Variants in LONRF2 observed in about 807,000 individuals in gnomAD.
The protein encoded by LONRF2 is LON peptidase N-terminal domain and RING finger protein 2.
A neutral mutation model predicts 66.6 loss-of-function variants in LONRF2; 35 were observed. That is an observed-to-expected ratio of 0.53 (90% CI 0.40 to 0.70). The LOEUF is 0.70. Among genes scored for constraint, LONRF2 ranks in the 30% least tolerant of loss-of-function variants. The pLI, the probability that LONRF2 is intolerant of heterozygous loss-of-function variation, is 0.00. For missense variants in LONRF2, 902 were observed against 1,002.1 expected (o/e 0.90, Z 1.35); for synonymous variants, 417 against 418.1 (o/e 1.00, Z 0.03).
At position 100,276,608 on chromosome 2, in the gene LONRF2, A is replaced by G. The variant is rs1356801233; in HGVS notation, c.*7690T>C. Reference sequence around the variant, plus strand: ...GGGGTGATTATACCCTTGTTTCTCCATTGAACAGCCCAATCTTTCCTATCC... The same window carrying G: ...GGGGTGATTATACCCTTGTTTCTCCGTTGAACAGCCCAATCTTTCCTATCC... On this transcript the variant is annotated 3_prime_UTR_variant, in exon 12 of 12. Coordinates refer to ENST00000393437, the MANE Select transcript of LONRF2 (RefSeq NM_198461.4). The G allele has an allele frequency of 6.6e-6, 1 of 152,180 alleles. No homozygotes were observed. The highest frequency in any genetic ancestry group is 1.9e-4 in the East Asian group (1 of 5,202). 9.4% of individuals were successfully genotyped at this position (152,180 alleles called of 1,614,324 possible).
Position 100,321,839 on chromosome 2 carries a change from C to T in LONRF2, c.255G>A (p.Ala85=). Residue 85 remains alanine (A), a synonymous_variant, in exon 1 of 12, where the codon GCG becomes GCA. Coordinates refer to ENST00000393437, the MANE Select transcript of LONRF2 (RefSeq NM_198461.4). ...PEALGAFRGA[A]RLGALRPEEL... ...CCTCCGGCCGCAGCGCCCCGAGCCG[C>T]GCGGCGCCGCGGAACGCGCCCAGGG... The T allele has an allele frequency of 2.6e-6, 3 of 1,139,232 alleles. No individual in the cohort carries two copies. The highest frequency in any genetic ancestry group is 3.2e-6 in the Non-Finnish European group (3 of 931,878). 70.6% of individuals were successfully genotyped at this position (1,139,232 alleles called of 1,614,324 possible).
Position 100,282,653 on chromosome 2 carries a change from C to T in LONRF2, c.*1645G>A, listed in dbSNP as rs1674762698. On this transcript the variant is annotated 3_prime_UTR_variant, in exon 12 of 12. Transcript: ENST00000393437. ...ATAAAATCTCTTAGAAATCACTTGG[C>T]CAAACTGCCATTAAACCATCTCAAG... 1 of 152,140 alleles carries T rather than the reference C, an allele frequency of 6.6e-6. No homozygotes were observed. The highest frequency in any genetic ancestry group is 1.5e-5 in the Non-Finnish European group (1 of 68,014). 9.4% of individuals were successfully genotyped at this position (152,140 alleles called of 1,614,324 possible).
In LONRF2 at chr2:100,321,763, G is replaced by A. The variant is rs1211986653; in HGVS notation, c.331C>T (p.Arg111Trp). ...GLVRAVGLRD[R>W]PLSAENPGGE... is the part of the protein sequence containing the mutation. ...CCCGGGTTCTCCGCGGACAGCGGCC[G>A]GTCGCGCAGGCCCACGGCGCGCACC... is the stretch of plus-strand genomic sequence containing the variant. Residue 111 changes from arginine to tryptophan, a missense_variant, in exon 1 of 12, where the codon CGG becomes TGG. Physicochemically the swap from Arg to Trp is moderately radical, Grantham distance 101. Coordinates refer to ENST00000393437, the MANE Select transcript of LONRF2 (RefSeq NM_198461.4). 3.8e-6 allele frequency: 4 copies of A among 1,040,884 alleles called. No individual in the cohort carries two copies. The highest frequency in any genetic ancestry group is 4.4e-5 in the South Asian group (1 of 22,662). 64.5% of individuals were successfully genotyped at this position (1,040,884 alleles called of 1,614,324 possible).
At position 100,284,232 on chromosome 2, in the gene LONRF2, C is replaced by T; in HGVS notation, c.*66G>A. 7.3e-6 allele frequency: 10 copies of T among 1,361,186 alleles called. No individual in the cohort carries two copies. Among genetic ancestry groups the T allele is most frequent in the Non-Finnish European group, 8.8e-6 (9 of 1,022,698 alleles). The allele number at this position is 1,361,186 out of a possible 1,614,324, so 84.3% of individuals were successfully genotyped here. On this transcript the variant is annotated 3_prime_UTR_variant, in exon 12 of 12. Coordinates refer to ENST00000393437, the MANE Select transcript of LONRF2 (RefSeq NM_198461.4). Reference sequence around the variant, plus strand: ...TTGATGAAGCACAATGAATGGACGGCTATTCGTCCATGCCTGACATTTATA... The same window carrying T: ...TTGATGAAGCACAATGAATGGACGGTTATTCGTCCATGCCTGACATTTATA...
chr2:100,309,874 T>C (rs533016649), intron 1 of LONRF2, among the ~76,000 whole-genome samples: 6 of 152,118 alleles, frequency 3.9e-5, no homozygotes, highest in African/African-American at 1.4e-4. Flanking sequence ...GGTTTCACCA[T>C]GTTGGCCAGG....
At chr2:100,286,116 G>A (rs1198678350) in intron 11 of LONRF2, among the ~76,000 whole-genome samples, 1 of 151,466 alleles carries the variant, frequency 6.6e-6, no homozygotes, top group African/African-American at 2.4e-5. Flanking sequence ...TTCTGTGTTT[G>A]GAAAAAAAAA....
At chr2:100,300,908 T>A (rs1675173527) in intron 3 of LONRF2, 121 bp from the exon 4 acceptor site, 1 of 735,932 alleles carries the variant, frequency 1.4e-6, no homozygotes, top group Non-Finnish European at 2.0e-6. Context: ...TTGAAAAGAA[T>A]AATTTTAACT....
chr2:100,310,214 T>C (rs1675382632), intron 1 of LONRF2, among the ~76,000 whole-genome samples: 2 of 152,296 alleles, frequency 1.3e-5, no homozygotes, highest in South Asian at 4.1e-4. Context: ...CAGGGTCCCA[T>C]GGAAAAGGCT....
At position 100,321,540 on chromosome 2, in the gene LONRF2, C is replaced by T. The variant is rs1675626451; in HGVS notation, c.554G>A (p.Gly185Asp). Reference sequence around the variant, plus strand: ...GGCCGGGAAGCACTTCTCCAGCAGGCCGCTCAGCACCACGTTCACGCGCCG... The same window carrying T: ...GGCCGGGAAGCACTTCTCCAGCAGGTCGCTCAGCACCACGTTCACGCGCCG... The part of the protein sequence containing the change: ...QVRRVNVVLS[G>D]LLEKCFPAEC... The change falls in exon 1 of 12, where the codon GGC (glycine) becomes GAC (aspartate). Residue 185 changes from glycine to aspartate, a missense_variant. Physicochemically the swap from Gly to Asp is moderately conservative, Grantham distance 94 (BLOSUM62 -1). Around this residue, in one of 2 missense-constraint regions of LONRF2, gnomAD observed 585 missense variants for 569.9 expected, o/e 1.03. Transcript: ENST00000393437. 2.6e-6 allele frequency: 4 copies of T among 1,549,770 alleles called. No homozygotes were observed. Among genetic ancestry groups the T allele is most frequent in the East Asian group, 2.6e-5 (1 of 38,754 alleles).
In LONRF2 at chr2:100,322,036, C is replaced by T; in HGVS notation, c.58G>A (p.Ala20Thr). Residue 20 changes from alanine (A) to threonine (T), a missense_variant, in exon 1 of 12, where the codon GCG (alanine) becomes ACG (threonine). Ala to Thr is a moderately conservative substitution (Grantham distance 58, BLOSUM62 0). Coordinates refer to ENST00000393437, the MANE Select transcript of LONRF2 (RefSeq NM_198461.4). ...TCTAAGCGCTGGGCGATCGGCTCCGCGCGGTCGCAGCCAGGACACTGGGGC... is the reference window on the plus strand; with the variant it reads ...TCTAAGCGCTGGGCGATCGGCTCCGTGCGGTCGCAGCCAGGACACTGGGGC... ...PPPQCPGCDR[A>T]EPIAQRLEEG... is the part of the protein sequence containing the mutation. The T allele has an allele frequency of 7.3e-7, 1 of 1,361,496 alleles. No individual in the cohort carries two copies. Among genetic ancestry groups the T allele is most frequent in the Non-Finnish European group, 9.5e-7 (1 of 1,057,550 alleles). 84.3% of individuals were successfully genotyped at this position (1,361,496 alleles called of 1,614,324 possible).
chr2:100,285,475 A>G (rs1674825926), intron 11 of LONRF2, among the ~76,000 whole-genome samples: 1 of 152,206 alleles, frequency 6.6e-6, no homozygotes, highest in South Asian at 2.1e-4. Context: ...AAATTGATGT[A>G]TTACCTAAAA....
In LONRF2 at chr2:100,280,901, TGC is replaced by T. The variant is rs1396386103; in HGVS notation, c.*3395_*3396del. 6.6e-6 allele frequency: 1 copy of T among 152,242 alleles called. No homozygotes were observed. The highest frequency in any genetic ancestry group is 2.4e-5 in the African/African-American group (1 of 41,470). 9.4% of individuals were successfully genotyped at this position (152,242 alleles called of 1,614,324 possible). On this transcript the variant is annotated 3_prime_UTR_variant, in exon 12 of 12. Transcript: ENST00000393437. ...CACCCACATTTATTTTCTTCTAATT[TGC>T]TATCACCTTTCTTCTTCATATCTTT...
chr2:100,276,234 T>C lies in LONRF2; in HGVS notation c.*8064A>G, dbSNP rs554983514. ...AAATGTACCCATTGACAAAGCTTCA[T>C]AGTCTTAACACTGGGGCTCAAATTA... On this transcript the variant is annotated 3_prime_UTR_variant, in exon 12 of 12. Transcript: ENST00000393437. 14 of 152,340 alleles carry C rather than the reference T, an allele frequency of 9.2e-5. No homozygotes were observed. Among genetic ancestry groups the C allele is most frequent in the East Asian group, 3.9e-4 (2 of 5,188 alleles). 9.4% of individuals were successfully genotyped at this position (152,340 alleles called of 1,614,324 possible).
At chr2:100,286,458 TG>T (rs1674847026) in intron 11 of LONRF2, among the ~76,000 whole-genome samples, 2 of 152,166 alleles carry the variant, frequency 1.3e-5, no homozygotes, top group East Asian at 1.9e-4. Context: ...CCATGACAGC[TG>T]GGCAGCAGGG....
intron 10 of LONRF2, among the ~76,000 whole-genome samples, chr2:100,288,325 A>G (rs910849108): frequency 3.3e-5 from 5 of 152,168 alleles, no homozygotes; most frequent in Non-Finnish European, 7.4e-5. Flanking sequence ...TCCATTCACA[A>G]ATCCTAAGTG....
At chr2:100,308,153 A>G (rs1675334113) in intron 2 of LONRF2, among the ~76,000 whole-genome samples, 1 of 152,054 alleles carries the variant, frequency 6.6e-6, no homozygotes. Context: ...GCAGATCATG[A>G]GGTCAGGAGA....
At chr2:100,298,769 C>T in intron 7 of LONRF2, 67 bp downstream of exon 7, 1 of 1,170,054 alleles carries the variant, frequency 8.5e-7, no homozygotes, top group Admixed American at 1.7e-5. Flanking sequence ...CAACACGAGA[C>T]AGGGAGTAAG....
At chr2:100,307,506 A>C (rs1324274789) in intron 2 of LONRF2, among the ~76,000 whole-genome samples, 3 of 152,256 alleles carry the variant, frequency 2.0e-5, no homozygotes, top group Admixed American at 6.5e-5. Flanking sequence ...AGCTGCTGTC[A>C]GTCAGAAATA....
Position 100,321,957 on chromosome 2 carries a change from A to G in LONRF2, c.137T>C (p.Phe46Ser). 1 of 1,464,034 alleles carries G rather than the reference A, an allele frequency of 6.8e-7. No individual in the cohort carries two copies. Among genetic ancestry groups the G allele is most frequent in the Non-Finnish European group, 9.0e-7 (1 of 1,108,994 alleles). 90.7% of individuals were successfully genotyped at this position (1,464,034 alleles called of 1,614,324 possible). A position where few individuals can be genotyped will look rare whatever the true frequency, so the allele number is the denominator to read the frequency against. ...CGCCAGCCCGGCTAGCATGGAGCGA[A>G]AGAGCTCGGCTGCCATCTCGTAGTC... is the stretch of plus-strand genomic sequence containing the variant. The part of the protein sequence containing the change: ...AGDYEMAAEL[F>S]RSMLAGLAQP... Residue 46 changes from phenylalanine (F) to serine (S), a missense_variant, in exon 1 of 12, where the codon TTT (phenylalanine) becomes TCT (serine). Phe to Ser is a radical substitution (Grantham distance 155). Transcript: ENST00000393437.
Sources: allele counts gnomAD v4.1 joint callset (sites outside exome capture counted in the v4.1 genomes callset), GRCh38; gene constraint gnomAD v4.1.1; regional missense constraint gnomAD v4.1.1; transcripts MANE v1.5; gene names NCBI Gene and HGNC (gene_info 2026-07-23, HGNC 2026-07-21).